Variants in ATP10A observed in about 807,000 individuals in gnomAD.
The protein encoded by ATP10A is phospholipid-transporting ATPase VA.
Under a neutral mutation model 147.8 loss-of-function variants are expected in ATP10A, and 111 were observed. The observed-to-expected ratio is 0.75, with a 90% CI of 0.64 to 0.88. The LOEUF is 0.88. Among genes scored for constraint, ATP10A ranks in the 40% least tolerant of loss-of-function variants. The pLI is 0.00. For missense variants in ATP10A, 1,927 were observed against 1,959.0 expected, an observed-to-expected ratio of 0.98 and a Z score of 0.31; for synonymous variants, 875 against 841.6, an observed-to-expected ratio of 1.04 and a Z score of -0.69.
At chr15:25,685,247 A>T (rs1224692669) in intron 16 of ATP10A, among the ~76,000 whole-genome samples, 1 of 152,136 alleles carries the variant, frequency 6.6e-6, no homozygotes. Context: ...AGGCAGAGTG[A>T]TTATCCTTGA....
intron 1 of ATP10A, among the ~76,000 whole-genome samples, chr15:25,855,577 C>A (rs1216208750): frequency 1.3e-5 from 2 of 151,864 alleles, no homozygotes; most frequent in East Asian, 1.9e-4. Context: ...CACACACATA[C>A]ATGCAAACAG....
chr15:25,746,152 G>C (rs1887834716), intron 2 of ATP10A, among the ~76,000 whole-genome samples: 4 of 152,092 alleles, frequency 2.6e-5, no homozygotes, highest in Admixed American at 2.6e-4. Flanking sequence ...TACTAGAAAA[G>C]TGTGAAAAGC....
At chr15:25,722,492 A>G (rs1177598875) in intron 6 of ATP10A, among the ~76,000 whole-genome samples, 1 of 152,178 alleles carries the variant, frequency 6.6e-6, no homozygotes, top group African/African-American at 2.4e-5. Context: ...ATTTAAGAAC[A>G]ATTCTCCTCG....
rs555974950 is a variant in ATP10A at position 25,695,676 on chromosome 15, A to T, written c.2761-530T>A. ...CTAGGTTTCTCTAAGATCTTACTTG[A>T]TCACCCATGATACAGTGCAGAGGTT... On this transcript the variant is annotated intron_variant, in intron 13 of 20. Coordinates refer to ENST00000555815, the MANE Select transcript of ATP10A (RefSeq NM_024490.4). 1.3e-4 allele frequency among the ~76,000 whole-genome samples: 19 copies of T among 151,916 alleles called. 1 individual carries two copies. The East Asian group carries it at 3.7e-3, about 30-fold the overall frequency.
chr15:25,781,335 A>G, intron 1 of ATP10A, 112 bp from the exon 2 acceptor site: 1 of 920,670 alleles, frequency 1.1e-6, no homozygotes, highest in Non-Finnish European at 1.6e-6. Flanking sequence ...GCATAGGCTG[A>G]AAATTTTGAT....
intron 13 of ATP10A, among the ~76,000 whole-genome samples, chr15:25,699,651 T>G (rs1392835612): frequency 1.3e-5 from 2 of 152,100 alleles, no homozygotes; most frequent in Non-Finnish European, 2.9e-5. Flanking sequence ...GGACAATCAC[T>G]TGAGTTCAGG....
At position 25,694,970 on chromosome 15, in the gene ATP10A, C is replaced by T; in HGVS notation, c.2937G>A (p.Leu979=). The T allele has an allele frequency of 6.2e-7, 1 of 1,614,212 alleles. No individual in the cohort carries two copies. Among genetic ancestry groups the T allele is most frequent in the South Asian group, 1.1e-5 (1 of 91,090 alleles). ...CCAGGTTTTTCTCGAGAGCGTAGGC[C>T]AGGCTTCTCCCATCGATCACGAGGC... ...RPSLVIDGRS[L]AYALEKNLED... is the part of the protein sequence containing the mutation. The change falls in exon 14 of 21, where the codon CTG becomes CTA. Residue 979 remains leucine (L), a synonymous_variant. Coordinates refer to ENST00000555815, the MANE Select transcript of ATP10A (RefSeq NM_024490.4).
In ATP10A at chr15:25,721,662, G is replaced by T. The variant is rs2140422998; in HGVS notation, c.1358C>A (p.Ala453Glu). The T allele has an allele frequency of 6.2e-7, 1 of 1,611,608 alleles. No homozygotes were observed. Among genetic ancestry groups the T allele is most frequent in the South Asian group, 1.1e-5 (1 of 91,026 alleles). The change falls in exon 7 of 21, where the codon GCA (alanine) becomes GAA (glutamate). Residue 453 changes from alanine to glutamate, a missense_variant. By Grantham distance (107) the Ala-to-Glu change is moderately radical. Transcript: ENST00000555815. ...TVSGVEYSHDANAQRLARYQE... is the reference protein window; with the variant it reads ...TVSGVEYSHDENAQRLARYQE... ...CCCCGCACCCCCAGACTCACCATTT[G>T]CATCATGAGAATATTCTACACCAGA...
chr15:25,778,837 G>A (rs531806070), intron 2 of ATP10A, among the ~76,000 whole-genome samples: 1 of 152,210 alleles, frequency 6.6e-6, no homozygotes, highest in South Asian at 2.1e-4. Context: ...GATACGACTG[G>A]GTTCAGAAGT....
In ATP10A at chr15:25,679,372, A is replaced by G. The variant is rs1899231475; in HGVS notation, c.4469T>C (p.Leu1490Pro). 6.3e-7 allele frequency: 1 copy of G among 1,594,228 alleles called. No homozygotes were observed. Among genetic ancestry groups the G allele is most frequent in the Non-Finnish European group, 8.6e-7 (1 of 1,164,358 alleles). ...TGACCGCCTTGAAGATGCTCCTATA[A>G]GTAGTCTGTGGTCTGGCCCTTGAAG... The part of the protein sequence containing the change: ...SGLQGPDHRL[L>P]IGASSRRSQ Residue 1490 changes from leucine (L) to proline (P), a missense_variant, in exon 21 of 21, where the codon CTT becomes CCT. Coordinates refer to ENST00000555815, the MANE Select transcript of ATP10A (RefSeq NM_024490.4).
intron 2 of ATP10A, among the ~76,000 whole-genome samples, chr15:25,741,052 G>A (rs1009981496): frequency 3.1e-4 from 47 of 152,254 alleles, no homozygotes; most frequent in African/African-American, 1.1e-3. Flanking sequence ...CCTTCCTGAC[G>A]GCCCCCTGGT....
At chr15:25,726,223 T>G in intron 4 of ATP10A, 141 bp from the exon 5 acceptor site, 1 of 828,628 alleles carries the variant, frequency 1.2e-6, no homozygotes, top group Non-Finnish European at 1.8e-6. Context: ...GGGTTTAAAA[T>G]TAATCTTACT....
intron 1 of ATP10A, among the ~76,000 whole-genome samples, chr15:25,787,800 A>G (rs1379632765): frequency 1.3e-5 from 2 of 152,042 alleles, no homozygotes; most frequent in African/African-American, 2.4e-5. Context: ...AGGAGTCACC[A>G]AACTGTGTTT....
chr15:25,825,330 G>T (rs1892070691), intron 1 of ATP10A, among the ~76,000 whole-genome samples: 1 of 152,180 alleles, frequency 6.6e-6, no homozygotes, highest in African/African-American at 2.4e-5. Context: ...GATATTAACA[G>T]AGGGCTTTGA....
intron 8 of ATP10A, among the ~76,000 whole-genome samples, chr15:25,717,572 C>T (rs1901898959): frequency 1.3e-5 from 2 of 152,216 alleles, no homozygotes; most frequent in Non-Finnish European, 2.9e-5. Context: ...CACCAATCAG[C>T]GTCCAAAACT....
At chr15:25,837,565 C>T (rs1488852037) in intron 1 of ATP10A, among the ~76,000 whole-genome samples, 2 of 152,176 alleles carry the variant, frequency 1.3e-5, no homozygotes, top group East Asian at 1.9e-4. Flanking sequence ...AAACCTAGGG[C>T]TTTCCATGTA....
At chr15:25,770,268 T>C (rs1889266363) in intron 2 of ATP10A, among the ~76,000 whole-genome samples, 1 of 152,078 alleles carries the variant, frequency 6.6e-6, no homozygotes, top group East Asian at 1.9e-4. Context: ...CAGTTGGGGA[T>C]CGGCCCAGCC....
At position 25,714,111 on chromosome 15, in the gene ATP10A, T is replaced by A; in HGVS notation, c.1907A>T (p.Lys636Met). Residue 636 changes from lysine to methionine, a missense_variant, in exon 10 of 21, where the codon AAG becomes ATG. Coordinates refer to ENST00000555815, the MANE Select transcript of ATP10A (RefSeq NM_024490.4). ...GGTGGACGGGAAGCTGGAGCCCAACTTGTGGCTGGACTTGTTGGCGGCCAG... is the reference window on the plus strand; with the variant it reads ...GGTGGACGGGAAGCTGGAGCCCAACATGTGGCTGGACTTGTTGGCGGCCAG... ...GSLAANKSSH[K>M]LGSSFPSTPS... The A allele has an allele frequency of 3.1e-6, 5 of 1,613,332 alleles. No individual in the cohort carries two copies. The highest frequency in any genetic ancestry group is 4.2e-6 in the Non-Finnish European group (5 of 1,180,032).
intron 2 of ATP10A, among the ~76,000 whole-genome samples, chr15:25,748,494 T>C (rs1399265858): frequency 6.6e-6 from 1 of 152,136 alleles, no homozygotes; most frequent in Non-Finnish European, 1.5e-5. Context: ...AAAGAATCAT[T>C]AGTTTGTAAG....
Sources: allele counts gnomAD v4.1 joint callset (sites outside exome capture counted in the v4.1 genomes callset), GRCh38; gene constraint gnomAD v4.1.1; transcripts MANE v1.5; gene names NCBI Gene and HGNC (gene_info 2026-07-23, HGNC 2026-07-21).